UBE2R2: variants seen among roughly 807,000 people sequenced by gnomAD.
The protein encoded by UBE2R2 is ubiquitin-conjugating enzyme E2 R2.
Under a neutral mutation model 27.8 loss-of-function variants are expected in UBE2R2, and 1 was observed. That is an observed-to-expected ratio of 0.04 (90% CI 0.01 to 0.17). The LOEUF is 0.17. Ranked by LOEUF, UBE2R2 falls within the 10% of genes least tolerant of loss-of-function variation. UBE2R2 has a pLI of 1.00. For synonymous variants in UBE2R2, 106 were observed against 113.3 expected (o/e 0.94, Z 0.41); for missense variants, 100 against 291.0 (o/e 0.34, Z 4.78).
chr9:33,894,311 G>A (rs1173424925), intron 2 of UBE2R2, among the ~76,000 whole-genome samples: 2 of 152,288 alleles, frequency 1.3e-5, no homozygotes, highest in African/African-American at 4.8e-5. Flanking sequence ...CTAAGTGGGT[G>A]TAAAGTGGTA....
At chr9:33,821,663 T>C (rs1198625583) in intron 1 of UBE2R2, among the ~76,000 whole-genome samples, 1 of 152,106 alleles carries the variant, frequency 6.6e-6, no homozygotes, top group Non-Finnish European at 1.5e-5. Context: ...TTTGCCAGGC[T>C]GGAGTGCAGT....
intron 1 of UBE2R2, among the ~76,000 whole-genome samples, chr9:33,845,728 C>G (rs983159846): frequency 2.6e-5 from 4 of 152,182 alleles, no homozygotes; most frequent in Non-Finnish European, 5.9e-5. Flanking sequence ...ATTTTCTAGG[C>G]CGGGTACAGT....
chr9:33,833,231 A>G (rs1243362725), intron 1 of UBE2R2, among the ~76,000 whole-genome samples: 5 of 151,582 alleles, frequency 3.3e-5, no homozygotes. Flanking sequence ...TGCCTGGCTA[A>G]TTTTTTTTTA....
At position 33,817,508 on chromosome 9, in the gene UBE2R2, C is replaced by A; in HGVS notation, c.-250C>A. 1 of 207,462 alleles carries A rather than the reference C, an allele frequency of 4.8e-6. No individual in the cohort carries two copies. The allele number at this position is 207,462 out of a possible 1,614,324, so 12.9% of individuals were successfully genotyped here. A position where few individuals can be genotyped will look rare whatever the true frequency, so the allele number is the denominator to read the frequency against. ...GACCCGTAGCGAATTCTCCTAACTC[C>A]CTCGACCTCTCCTCTCGCCCGGCCC... On this transcript the variant is annotated 5_prime_UTR_variant, in exon 1 of 5. Transcript: ENST00000263228.
At chr9:33,908,795 G>GTGGTA (rs1199938194) in intron 3 of UBE2R2, among the ~76,000 whole-genome samples, 6 of 152,154 alleles carry the variant, frequency 3.9e-5, no homozygotes, top group African/African-American at 1.4e-4. Flanking sequence ...GTTGTCCAAT[G>GTGGTA]TGGTAGCCTC....
chr9:33,884,198 A>ATCTCTCCCTCTCTCTCTC (rs1821798420), intron 1 of UBE2R2, among the ~76,000 whole-genome samples: 1 of 63,442 alleles, frequency 1.6e-5, no homozygotes, highest in Admixed American at 2.2e-4. Flanking sequence ...CAACTTAAGA[A>ATCTCTCCCTCTCTCTCTC]TCTCTCTCTC....
intron 1 of UBE2R2, among the ~76,000 whole-genome samples, chr9:33,847,651 A>G (rs1015982660): frequency 6.6e-6 from 1 of 151,038 alleles, no homozygotes; most frequent in Non-Finnish European, 1.5e-5. Flanking sequence ...TAACCTACGT[A>G]TAGTAGAATT....
At chr9:33,826,078 G>A (rs183086758) in intron 1 of UBE2R2, among the ~76,000 whole-genome samples, 147 of 151,532 alleles carry the variant, frequency 9.7e-4, no homozygotes, top group Non-Finnish European at 2.5e-4. Context: ...AGGAGGTGCA[G>A]GTTTGCGGTG....
intron 1 of UBE2R2, among the ~76,000 whole-genome samples, chr9:33,863,086 G>T (rs1489472434): frequency 2.0e-5 from 3 of 151,720 alleles, no homozygotes. Context: ...TACTCAGGAG[G>T]CTGAGGCAGG....
chr9:33,871,864 C>T (rs1821492222), intron 1 of UBE2R2, among the ~76,000 whole-genome samples: 1 of 152,116 alleles, frequency 6.6e-6, no homozygotes, highest in Admixed American at 6.6e-5. Flanking sequence ...GTGTGTGCCA[C>T]CATGCATGGC....
chr9:33,907,660 T>C (rs1228717866), intron 3 of UBE2R2, among the ~76,000 whole-genome samples: 3 of 152,142 alleles, frequency 2.0e-5, no homozygotes, highest in Admixed American at 2.0e-4. Flanking sequence ...AGTTATTCTT[T>C]ATAGGAACCG....
intron 2 of UBE2R2, among the ~76,000 whole-genome samples, chr9:33,898,374 C>A (rs58657210): frequency 0.013 from 1,997 of 152,254 alleles, 48 homozygotes; most frequent in African/African-American, 0.045. Context: ...GCCACCATGC[C>A]TGGCCTCTCT....
intron 1 of UBE2R2, among the ~76,000 whole-genome samples, chr9:33,863,816 T>C (rs563100535): frequency 1.8e-3 from 276 of 152,038 alleles, no homozygotes; most frequent in African/African-American, 5.4e-3. Context: ...GCCTCCTGAG[T>C]AGCTGGAACT....
chr9:33,904,219 T>G (rs771066301), intron 3 of UBE2R2, among the ~76,000 whole-genome samples: 17 of 152,194 alleles, frequency 1.1e-4, no homozygotes, highest in Admixed American at 9.2e-4. Context: ...AACAGGTCAT[T>G]TATGGCACTG....
At chr9:33,858,615 T>C (rs1277498116) in intron 1 of UBE2R2, among the ~76,000 whole-genome samples, 1 of 151,998 alleles carries the variant, frequency 6.6e-6, no homozygotes, top group Non-Finnish European at 1.5e-5. Context: ...TTGCCCAGGC[T>C]GGTCTTGAAC....
chr9:33,853,673 T>G (rs1429794074), intron 1 of UBE2R2, among the ~76,000 whole-genome samples: 4 of 152,166 alleles, frequency 2.6e-5, no homozygotes, highest in African/African-American at 9.7e-5. Context: ...TCTTAATTCT[T>G]TCTAGATGTC....
At chr9:33,848,083 C>A (rs995558068) in intron 1 of UBE2R2, among the ~76,000 whole-genome samples, 5 of 152,116 alleles carry the variant, frequency 3.3e-5, no homozygotes, top group Middle Eastern at 3.4e-3. Context: ...TTAACTAATT[C>A]TGTTTTATAC....
At chr9:33,832,619 A>G (rs899105942) in intron 1 of UBE2R2, among the ~76,000 whole-genome samples, 1 of 151,556 alleles carries the variant, frequency 6.6e-6, no homozygotes, top group South Asian at 2.1e-4. Flanking sequence ...AGATTGTGCC[A>G]CTGCACTCCA....
chr9:33,872,434 C>G (rs1821505998), intron 1 of UBE2R2, among the ~76,000 whole-genome samples: 1 of 152,012 alleles, frequency 6.6e-6, no homozygotes, highest in South Asian at 2.1e-4. Flanking sequence ...TTTAGGTTAA[C>G]AGCAAAATTG....
Sources: allele counts gnomAD v4.1 joint callset (sites outside exome capture counted in the v4.1 genomes callset), GRCh38; gene constraint gnomAD v4.1.1; transcripts MANE v1.5; gene names NCBI Gene and HGNC (gene_info 2026-07-23, HGNC 2026-07-21).